Variants in EFCAB7 observed in about 807,000 individuals in gnomAD.
EFCAB7 encodes EF-hand calcium-binding domain-containing protein 7.
EFCAB7 carries 66 observed loss-of-function variants against 77.1 expected under a neutral mutation model. The ratio of observed to expected loss-of-function variants is 0.86; its 90% CI spans 0.70 to 1.05. The LOEUF is 1.05. Among genes scored for constraint, EFCAB7 ranks in the 50% least tolerant of loss-of-function variants. The probability of loss-of-function intolerance (pLI) is 0.00; values close to 1 mark genes in which losing one functional copy is unlikely to be tolerated. For synonymous variants in EFCAB7, 225 were observed against 243.3 expected (o/e 0.92, Z 0.70); for missense variants, 638 against 730.5 (o/e 0.87, Z 1.46).
chr1:63,556,878 A>C (rs1045169569), intron 9 of EFCAB7, among the ~76,000 whole-genome samples: 7 of 151,320 alleles, frequency 4.6e-5, no homozygotes, highest in African/African-American at 1.7e-4. Context: ...AAATACAAAA[A>C]AAAAAAAAAA....
chr1:63,539,697 T>C (rs900680014), intron 6 of EFCAB7, among the ~76,000 whole-genome samples: 3 of 152,204 alleles, frequency 2.0e-5, no homozygotes, highest in Non-Finnish European at 4.4e-5. Context: ...TTTCTTCTAC[T>C]TTTATAAGTC....
At chr1:63,562,263 A>C (rs918928047) in intron 11 of EFCAB7, among the ~76,000 whole-genome samples, 7 of 151,434 alleles carry the variant, frequency 4.6e-5, no homozygotes, top group African/African-American at 1.7e-4. Flanking sequence ...TCTTTTTATA[A>C]AGGGTACTTT....
At chr1:63,542,073 C>T (rs139288185) in intron 6 of EFCAB7, among the ~76,000 whole-genome samples, 170 of 152,224 alleles carry the variant, frequency 1.1e-3, no homozygotes, top group African/African-American at 3.9e-3. Flanking sequence ...TCATCTGGAA[C>T]TCTATTCATT....
intron 6 of EFCAB7, chr1:63,536,809 C>T (rs1646769039): frequency 6.6e-6 from 1 of 152,036 alleles, no homozygotes; most frequent in African/African-American, 2.4e-5. Flanking sequence ...TCATATATTC[C>T]TGAGGTTTTA....
At chr1:63,557,068 A>G in intron 9 of EFCAB7, 46 bp from the exon 10 acceptor site, 1 of 1,358,536 alleles carries the variant, frequency 7.4e-7, no homozygotes, top group African/African-American at 1.5e-5. Flanking sequence ...TCTTCAGCGT[A>G]GTTGCCTTAG....
intron 12 of EFCAB7, chr1:63,570,702 CA>C (rs1304269367): frequency 5.9e-6 from 1 of 169,006 alleles, no homozygotes; most frequent in African/African-American, 2.4e-5. Context: ...GAGATAACAA[CA>C]AAAGAAATAG....
chr1:63,531,655 C>T (rs570288130), intron 2 of EFCAB7, among the ~76,000 whole-genome samples, 165 bp from the exon 3 acceptor site: 20 of 152,106 alleles, frequency 1.3e-4, no homozygotes, highest in African/African-American at 3.9e-4. Flanking sequence ...TTTTCAAAGT[C>T]AGGCCTATCT....
chr1:63,525,510 G>A (rs1362705901), intron 1 of EFCAB7, 62 bp from the exon 2 acceptor site: 1 of 1,286,416 alleles, frequency 7.8e-7, no homozygotes, highest in African/African-American at 1.5e-5. Flanking sequence ...TGAAAGACAT[G>A]GTGACATTTG....
chr1:63,562,745 T>C (rs1647124858), intron 11 of EFCAB7, among the ~76,000 whole-genome samples: 1 of 151,310 alleles, frequency 6.6e-6, no homozygotes, highest in Non-Finnish European at 1.5e-5. Context: ...TTATGTCAGA[T>C]TTAAAATATA....
downstream of EFCAB7, among the ~76,000 whole-genome samples, chr1:63,575,819 G>T (rs1375751714): frequency 6.6e-6 from 1 of 151,984 alleles, no homozygotes; most frequent in Admixed American, 6.6e-5. Flanking sequence ...AATTCCTGGG[G>T]TCAAGCGATT....
the EFCAB7 span, among the ~76,000 whole-genome samples, chr1:63,584,802 C>CGA: frequency 2.0e-5 from 3 of 152,196 alleles, no homozygotes; most frequent in Non-Finnish European, 4.4e-5. Context: ...CATAAGGCTT[C>CGA]TGGTCAACAT....
chr1:63,544,750 C>CACTTG (rs1017423938), intron 6 of EFCAB7, among the ~76,000 whole-genome samples: 3 of 152,140 alleles, frequency 2.0e-5, no homozygotes, highest in African/African-American at 7.2e-5. Context: ...TAGTTATCTA[C>CACTTG]ACTTGAAGCA....
intron 6 of EFCAB7, among the ~76,000 whole-genome samples, chr1:63,539,960 A>C (rs1203380147): frequency 6.6e-6 from 1 of 152,106 alleles, no homozygotes; most frequent in East Asian, 1.9e-4. Flanking sequence ...TGTTAAGGGC[A>C]ATTGGGTCTG....
intron 12 of EFCAB7, 176 bp from the exon 13 acceptor site, chr1:63,570,845 A>AT (rs1647235812): frequency 4.5e-6 from 2 of 442,618 alleles, no homozygotes; most frequent in African/African-American, 4.1e-5. Flanking sequence ...ATGGTGACAG[A>AT]TTGGAAAGAA....
At chr1:63,581,609 G>A in the EFCAB7 span, among the ~76,000 whole-genome samples, 3 of 152,198 alleles carry the variant, frequency 2.0e-5, no homozygotes, top group Admixed American at 6.5e-5. Context: ...TATTTTGGAT[G>A]TCAGTTTGCT....
downstream of EFCAB7, among the ~76,000 whole-genome samples, chr1:63,576,011 G>C (rs1007502752): frequency 6.6e-6 from 1 of 152,096 alleles, no homozygotes; most frequent in Admixed American, 6.5e-5. Context: ...CTATCTTTAC[G>C]TAGTCTTATA....
At chr1:63,564,632 T>G (rs906728960) in intron 11 of EFCAB7, among the ~76,000 whole-genome samples, 1 of 152,202 alleles carries the variant, frequency 6.6e-6, no homozygotes, top group Non-Finnish European at 1.5e-5. Flanking sequence ...ATGGTCATAC[T>G]GCCCAAAGCA....
At chr1:63,531,721 T>C in intron 2 of EFCAB7, 99 bp from the exon 3 acceptor site, 1 of 1,024,802 alleles carries the variant, frequency 9.8e-7, no homozygotes, top group Non-Finnish European at 1.5e-6. Context: ...GTATAGTGTT[T>C]TGTAAATATC....
chr1:63,550,409 T>G (rs763357810), intron 7 of EFCAB7: 30 of 152,286 alleles, frequency 2.0e-4, no homozygotes, highest in Non-Finnish European at 3.8e-4. Flanking sequence ...AGTTTAAGTT[T>G]CCTTGTGATT....
Sources: allele counts gnomAD v4.1 joint callset (sites outside exome capture counted in the v4.1 genomes callset), GRCh38; gene constraint gnomAD v4.1.1; transcripts MANE v1.5; gene names NCBI Gene and HGNC (gene_info 2026-07-23, HGNC 2026-07-21).